NAALADL2: variants seen among roughly 807,000 people sequenced by gnomAD.
The protein encoded by NAALADL2 is inactive N-acetylated-alpha-linked acidic dipeptidase-like protein 2.
A neutral mutation model predicts 87.2 loss-of-function variants in NAALADL2; 76 were observed. The ratio of observed to expected loss-of-function variants is 0.87; its 90% CI spans 0.72 to 1.05. The LOEUF (loss-of-function observed/expected upper bound fraction) is 1.05, where lower values mean the gene tolerates loss of function less well. Ranked by LOEUF, NAALADL2 falls within the 50% of genes least tolerant of loss-of-function variation. The probability of loss-of-function intolerance (pLI) is 0.00; values close to 1 mark genes in which losing one functional copy is unlikely to be tolerated. For synonymous variants in NAALADL2, 354 were observed against 331.0 expected, an observed-to-expected ratio of 1.07 and a Z score of -0.75; for missense variants, 1,089 against 945.8, an observed-to-expected ratio of 1.15 and a Z score of -1.99.
At chr3:174,693,604 C>G (rs1164153011) in intron 2 of NAALADL2, among the ~76,000 whole-genome samples, 1 of 151,526 alleles carries the variant, frequency 6.6e-6, no homozygotes, top group Non-Finnish European at 1.5e-5. Flanking sequence ...CCTTTAAGCA[C>G]GATAAAAACA....
At chr3:175,516,446 G>C (rs577306501) in intron 9 of NAALADL2, among the ~76,000 whole-genome samples, 1 of 152,136 alleles carries the variant, frequency 6.6e-6, no homozygotes, top group Non-Finnish European at 1.5e-5. Context: ...AAACTACTTC[G>C]TGATACCAGT....
intron 13 of NAALADL2, among the ~76,000 whole-genome samples, chr3:175,778,279 A>G (rs1040154352): frequency 6.6e-6 from 1 of 152,222 alleles, no homozygotes. Context: ...TAGCACTAGG[A>G]AAGTAGAGTA....
rs1385646462 is a variant in NAALADL2 at position 175,809,489 on chromosome 3, C to CA, written c.*6289dup. 8.1e-5 allele frequency: 4 copies of CA among 49,280 alleles called. No individual in the cohort carries two copies. Among genetic ancestry groups the CA allele is most frequent in the Non-Finnish European group, 1.6e-4 (4 of 25,160 alleles). The allele number at this position is 49,280 out of a possible 1,614,324, so 3.1% of individuals were successfully genotyped here. A position where few individuals can be genotyped will look rare whatever the true frequency, so the allele number is the denominator to read the frequency against. ...GACATCCAGAAAATAGCCTGGGCAACAAAGTGAGACCCTGTCTCTCTTAAA... is the reference window on the plus strand; with the variant it reads ...GACATCCAGAAAATAGCCTGGGCAACAAAAGTGAGACCCTGTCTCTCTTAAA... On this transcript the variant is annotated 3_prime_UTR_variant, in exon 14 of 14. Coordinates refer to ENST00000454872, the MANE Select transcript of NAALADL2 (RefSeq NM_207015.3).
intron 3 of NAALADL2, among the ~76,000 whole-genome samples, chr3:174,747,621 CAAA>C (rs150843588): frequency 5.2e-5 from 2 of 38,660 alleles, no homozygotes; most frequent in South Asian, 1.8e-3. Context: ...GACCCCATCT[CAAA>C]AAAAAAAAAA....
At chr3:175,240,659 T>G (rs1276902690) in intron 3 of NAALADL2, among the ~76,000 whole-genome samples, 1 of 152,184 alleles carries the variant, frequency 6.6e-6, no homozygotes, top group Non-Finnish European at 1.5e-5. Flanking sequence ...TGTTTGTTTG[T>G]TTGTTTGTTT....
At chr3:174,574,438 T>A (rs1578205016) in intron 2 of NAALADL2, among the ~76,000 whole-genome samples, 1 of 152,144 alleles carries the variant, frequency 6.6e-6, no homozygotes, top group Non-Finnish European at 1.5e-5. Context: ...TGTTTTATTT[T>A]TCCCTAAGTA....
At chr3:175,731,535 A>G (rs928270801) in intron 11 of NAALADL2, among the ~76,000 whole-genome samples, 9 of 152,186 alleles carry the variant, frequency 5.9e-5, no homozygotes, top group African/African-American at 1.9e-4. Context: ...ATGAATGTAA[A>G]GGAAAGTTGT....
At chr3:174,820,593 G>A (rs1456403515) in intron 3 of NAALADL2, among the ~76,000 whole-genome samples, 1 of 152,052 alleles carries the variant, frequency 6.6e-6, no homozygotes, top group Non-Finnish European at 1.5e-5. Context: ...ACAATGAGTT[G>A]TGAAACTGAA....
intron 11 of NAALADL2, among the ~76,000 whole-genome samples, chr3:175,710,736 T>A (rs1159230887): frequency 6.6e-6 from 1 of 151,862 alleles, no homozygotes; most frequent in East Asian, 1.9e-4. Flanking sequence ...ACATATAAAT[T>A]TACACATATA....
chr3:174,717,625 C>T (rs1731309442), intron 2 of NAALADL2, among the ~76,000 whole-genome samples: 2 of 152,100 alleles, frequency 1.3e-5, no homozygotes, highest in African/African-American at 4.8e-5. Flanking sequence ...ATAGTAATTA[C>T]ATTTTAAGGA....
At chr3:174,797,784 A>T (rs943113676) in intron 3 of NAALADL2, among the ~76,000 whole-genome samples, 1 of 152,174 alleles carries the variant, frequency 6.6e-6, no homozygotes, top group Non-Finnish European at 1.5e-5. Context: ...ATATCTGATA[A>T]GGTATGTACA....
chr3:174,900,943 A>G (rs916967888), intron 1 of NAALADL2, among the ~76,000 whole-genome samples: 2 of 152,144 alleles, frequency 1.3e-5, no homozygotes, highest in Non-Finnish European at 2.9e-5. Flanking sequence ...TTACTCATTG[A>G]AAATATAATT....
intron 13 of NAALADL2, among the ~76,000 whole-genome samples, chr3:175,789,544 G>T (rs1371189643): frequency 6.6e-6 from 1 of 152,110 alleles, no homozygotes; most frequent in Non-Finnish European, 1.5e-5. Flanking sequence ...ACTGAGTAAT[G>T]TTGTTTTCAG....
At chr3:174,841,672 T>A (rs1724038011) in intron 3 of NAALADL2, among the ~76,000 whole-genome samples, 1 of 152,238 alleles carries the variant, frequency 6.6e-6, no homozygotes, top group African/African-American at 2.4e-5. Context: ...TTTGAGGAAA[T>A]ACATTTTTCT....
At chr3:175,058,690 G>A (rs767822016) in intron 1 of NAALADL2, among the ~76,000 whole-genome samples, 12 of 152,110 alleles carry the variant, frequency 7.9e-5, no homozygotes, top group Non-Finnish European at 1.5e-4. Flanking sequence ...ATGAAAGCTC[G>A]TAAGCTCATT....
chr3:175,284,485 A>C (rs1429724651), intron 4 of NAALADL2, among the ~76,000 whole-genome samples: 1 of 151,964 alleles, frequency 6.6e-6, no homozygotes, highest in East Asian at 1.9e-4. Context: ...GGCTTAGAAG[A>C]AGCCAGGATT....
intron 9 of NAALADL2, among the ~76,000 whole-genome samples, chr3:175,514,594 T>C (rs771368983): frequency 3.0e-4 from 46 of 152,134 alleles, no homozygotes; most frequent in Admixed American, 4.6e-4. Context: ...CCGGTTGGAA[T>C]GCACCAAAAG....
intron 3 of NAALADL2, among the ~76,000 whole-genome samples, chr3:174,833,941 C>T (rs1429289552): frequency 6.7e-6 from 1 of 150,226 alleles, no homozygotes; most frequent in Non-Finnish European, 1.5e-5. Flanking sequence ...CTAGAGTAAA[C>T]ATCATACCTA....
chr3:175,192,691 A>G (rs945445276), intron 2 of NAALADL2, among the ~76,000 whole-genome samples: 1 of 152,058 alleles, frequency 6.6e-6, no homozygotes, highest in Non-Finnish European at 1.5e-5. Flanking sequence ...TTTCTGAATG[A>G]TGACTAACAA....
Sources: allele counts gnomAD v4.1 joint callset (sites outside exome capture counted in the v4.1 genomes callset), GRCh38; gene constraint gnomAD v4.1.1; transcripts MANE v1.5; gene names NCBI Gene and HGNC (gene_info 2026-07-23, HGNC 2026-07-21).